The following ANKRD54 variants were observed in gnomAD, a reference collection of about 807,000 sequenced individuals.
ANKRD54 encodes the protein ankyrin repeat domain-containing protein 54.
Under a neutral mutation model 36.2 loss-of-function variants are expected in ANKRD54, and 26 were observed. The ratio of observed to expected loss-of-function variants is 0.72; its 90% confidence interval spans 0.53 to 1.00. The LOEUF (loss-of-function observed/expected upper bound fraction) is 1.00, where lower values mean the gene tolerates loss of function less well. Among genes scored for constraint, ANKRD54 ranks in the 50% least tolerant of loss-of-function variants. The probability of loss-of-function intolerance (pLI) is 0.00; values close to 1 mark genes in which losing one functional copy is unlikely to be tolerated. For missense variants in ANKRD54, 384 were observed against 424.3 expected (o/e 0.91, Z 0.83); for synonymous variants, 209 against 188.4 (o/e 1.11, Z -0.89).
chr22:37,842,394 GGTGACC>G (rs915504721), intron 1 of ANKRD54, among the ~76,000 whole-genome samples: 1 of 152,178 alleles, frequency 6.6e-6, no homozygotes, highest in Non-Finnish European at 1.5e-5. Context: ...GTAGTCACAG[GGTGACC>G]TTGAGCAAGC....
At chr22:37,846,877 G>A (rs111364459), upstream of ANKRD54, among the ~76,000 whole-genome samples, 4 of 93,810 alleles carry the variant, frequency 4.3e-5, no homozygotes, top group East Asian at 8.1e-4. Flanking sequence ...TTTTTGAGAC[G>A]GAGTCTCGCT....
At chr22:37,833,257 T>C (rs1382702843) in intron 4 of ANKRD54, 51 bp from the exon 5 acceptor site, 2 of 1,603,050 alleles carry the variant, frequency 1.2e-6, no homozygotes, top group Admixed American at 1.7e-5. Flanking sequence ...AGAGCCTGGC[T>C]CTGCGTGGCC....
chr22:37,844,349 G>T, upstream of ANKRD54: 1 of 1,284,430 alleles, frequency 7.8e-7, no homozygotes, highest in Non-Finnish European at 1.0e-6. Flanking sequence ...GGCGGGCAGG[G>T]CCCGCAACCA....
At chr22:37,835,943 C>A (rs1348591575) in intron 3 of ANKRD54, among the ~76,000 whole-genome samples, 1 of 152,074 alleles carries the variant, frequency 6.6e-6, no homozygotes, top group African/African-American at 2.4e-5. Flanking sequence ...GGCTTCACAC[C>A]ATTCTCCTGC....
At position 37,840,172 on chromosome 22, in the gene ANKRD54, A is replaced by C; in HGVS notation, c.376+15T>G. 6.2e-7 allele frequency: 1 copy of C among 1,614,020 alleles called. No homozygotes were observed. The highest frequency in any genetic ancestry group is 8.5e-7 in the Non-Finnish European group (1 of 1,179,908). ...CCCATGGGACCCTGTAGCTGGACCT[A>C]CTGTGCACACTCACCTGTTTCCACA... On this transcript the variant is annotated intron_variant, in intron 2 of 7. Transcript: ENST00000215941.
upstream of ANKRD54, among the ~76,000 whole-genome samples, chr22:37,846,857 CTTTT>C (rs759482944): frequency 7.0e-6 from 1 of 142,758 alleles, no homozygotes; most frequent in African/African-American, 2.6e-5. Flanking sequence ...AATTTCTTTT[CTTTT>C]TTTTTTTTTT....
intron 1 of ANKRD54, 28 bp from the exon 2 acceptor site, chr22:37,840,262 T>TA (rs745857749): frequency 1.2e-6 from 2 of 1,612,722 alleles, no homozygotes; most frequent in South Asian, 1.1e-5. Context: ...GATGCCAGTT[T>TA]AAAAAAACAG....
upstream of ANKRD54, among the ~76,000 whole-genome samples, chr22:37,847,180 TTG>T (rs1924886552): frequency 6.6e-6 from 1 of 150,616 alleles, no homozygotes. Flanking sequence ...CTTTTTTTTT[TTG>T]AGGCAGTTTT....
At chr22:37,840,767 A>C (rs1467753768) in intron 1 of ANKRD54, among the ~76,000 whole-genome samples, 1 of 149,806 alleles carries the variant, frequency 6.7e-6, no homozygotes, top group Admixed American at 6.7e-5. Flanking sequence ...CATGCCTGTA[A>C]TCCCAGCTAC....
intron 3 of ANKRD54, among the ~76,000 whole-genome samples, chr22:37,835,831 GT>G (rs1314845390): frequency 2.6e-5 from 4 of 151,838 alleles, no homozygotes; most frequent in East Asian, 1.9e-4. Context: ...CAGAAAACTA[GT>G]TTTTTTTGTT....
rs776236218 is a variant in ANKRD54, at chr22:37,833,055, G to C, written c.623C>G (p.Ala208Gly). 6.2e-7 allele frequency: 1 copy of C among 1,613,816 alleles called. No individual in the cohort carries two copies. The highest frequency in any genetic ancestry group is 1.7e-5 in the Admixed American group (1 of 59,996). The change falls in exon 6 of 8, where the codon GCT becomes GGT. Residue 208 changes from alanine (A) to glycine (G), a missense_variant. Around this residue, in one of 3 missense-constraint regions of ANKRD54, gnomAD observed 179 missense variants for 224.0 expected, o/e 0.80. Coordinates refer to ENST00000215941, the MANE Select transcript of ANKRD54 (RefSeq NM_138797.4). ...GGCCAGGTGCAGGGGTGTGCGACCA[G>C]CTCGGTCCAGGGCATCTACACGGGC... ...GGARVDALDRAGRTPLHLAKS... is the reference protein window; with the variant it reads ...GGARVDALDRGGRTPLHLAKS...
chr22:37,847,163 C>A (rs1302337401), upstream of ANKRD54, among the ~76,000 whole-genome samples: 1 of 145,550 alleles, frequency 6.9e-6, no homozygotes, highest in African/African-American at 2.5e-5. Context: ...AATTTCTTTT[C>A]TTTTTTCTTT....
At chr22:37,840,128 CT>C (rs768222449) in intron 2 of ANKRD54, 58 bp downstream of exon 2, 3 of 1,604,874 alleles carry the variant, frequency 1.9e-6, no homozygotes, top group Non-Finnish European at 2.6e-6. Flanking sequence ...ATTACCTGGC[CT>C]TTTCCTTCCC....
chr22:37,838,348 G>A lies in ANKRD54; in HGVS notation c.475+152C>T, dbSNP rs533546472. The A allele has an allele frequency of 1.3e-4, 90 of 700,930 alleles. 1 individual carries two copies. The highest frequency in any genetic ancestry group is 7.1e-4 in the Admixed American group (24 of 33,614). 43.4% of individuals were successfully genotyped at this position (700,930 alleles called of 1,614,324 possible). A position where few individuals can be genotyped will look rare whatever the true frequency, so the allele number is the denominator to read the frequency against. Reference sequence around the variant, plus strand: ...ATTGCCAGTTCCACAGGCTAACAGAGGGAGAAGGGCAGGGCACTGCAGTGC... The same window carrying A: ...ATTGCCAGTTCCACAGGCTAACAGAAGGAGAAGGGCAGGGCACTGCAGTGC... On this transcript the variant is annotated intron_variant, in intron 3 of 7. Transcript: ENST00000215941.
chr22:37,842,297 C>T (rs755622449), intron 1 of ANKRD54, among the ~76,000 whole-genome samples: 6 of 152,160 alleles, frequency 3.9e-5, no homozygotes, highest in Non-Finnish European at 8.8e-5. Flanking sequence ...CAAGGAGAAA[C>T]TTGAAATGAG....
chr22:37,833,298 C>T (rs545207906), intron 4 of ANKRD54, 92 bp from the exon 5 acceptor site: 31 of 1,511,704 alleles, frequency 2.1e-5, no homozygotes, highest in South Asian at 5.9e-5. Flanking sequence ...GTCTCCCAGA[C>T]GCCTGTGCCA....
At position 37,833,214 on chromosome 22, in the gene ANKRD54, A is replaced by AGAACAACAGAGACTTAAGAATCCAG. The variant is rs1569093988; in HGVS notation, c.548-33_548-9dup. 6.2e-7 allele frequency: 1 copy of AGAACAACAGAGACTTAAGAATCCAG among 1,613,310 alleles called. No homozygotes were observed. On this transcript the variant is annotated splice_polypyrimidine_tract_variant and intron_variant, in intron 4 of 7. Transcript: ENST00000215941. ...CGTGGTTGGTGCAGGCCGCTGAGGA[A>AGAACAACAGAGACTTAAGAATCCAG]GAACAACAGAGACTTAAGAATCCAG... is the stretch of plus-strand genomic sequence containing the variant.
chr22:37,846,838 A>G (rs1924864321), upstream of ANKRD54, among the ~76,000 whole-genome samples: 1 of 151,520 alleles, frequency 6.6e-6, no homozygotes, highest in South Asian at 2.1e-4. Context: ...GGACTATAAG[A>G]TTTCAGGTAA....
At chr22:37,832,519 C>T (rs1483755924) in intron 7 of ANKRD54, 118 bp downstream of exon 7, 8 of 880,960 alleles carry the variant, frequency 9.1e-6, no homozygotes, top group Admixed American at 2.5e-5. Context: ...TGAGCCCCTG[C>T]GGCTGGCCCC....
Sources: gnomAD v4.1 joint callset for allele counts (sites outside exome capture counted in the v4.1 genomes callset) on GRCh38, gnomAD v4.1.1 for gene constraint, gnomAD v4.1.1 regional missense constraint, MANE v1.5 for transcripts, NCBI Gene and HGNC (gene_info 2026-07-23, HGNC 2026-07-21) for gene names.